Variants in CELA2A observed in about 807,000 individuals in gnomAD.
The protein encoded by CELA2A is chymotrypsin-like elastase family member 2A.
CELA2A carries 31 observed loss-of-function variants against 35.3 expected under a neutral mutation model. That is an observed-to-expected ratio of 0.88 (90% CI 0.66 to 1.19). CELA2A has a LOEUF of 1.19. Ranked by LOEUF, CELA2A falls within the 50% of genes most tolerant of loss-of-function variation. CELA2A has a pLI of 0.00. For missense variants in CELA2A, 330 were observed against 352.9 expected (o/e 0.94, Z 0.52); for synonymous variants, 150 against 149.8 (o/e 1.00, Z -0.01).
Position 15,467,380 on chromosome 1 carries a change from C to G in CELA2A, c.640-6C>G, listed in dbSNP as rs764935116. The G allele has an allele frequency of 1.2e-6, 2 of 1,612,730 alleles. No individual in the cohort carries two copies. Among genetic ancestry groups the G allele is most frequent in the Admixed American group, 3.3e-5 (2 of 60,032 alleles). On this transcript the variant is annotated splice_polypyrimidine_tract_variant and splice_region_variant and intron_variant, in intron 6 of 7. Transcript: ENST00000359621. ...TTTACCTGCCTATAACTCTGGCCTT[C>G]CTCAGGGAGACTCTGGCGGGCCACT...
intron 6 of CELA2A, among the ~76,000 whole-genome samples, chr1:15,466,419 G>A (rs564362556): frequency 1.1e-3 from 160 of 152,092 alleles, no homozygotes; most frequent in African/African-American, 3.4e-3. Context: ...AAAATTAGCC[G>A]GGCATGGTGG....
rs762571988 is a variant in CELA2A, at chr1:15,456,751, A to C, written c.-3A>C. On this transcript the variant is annotated 5_prime_UTR_variant, in exon 1 of 8. Transcript: ENST00000359621. ...ACGCTTACAGAACTCCCACGGACACACCATGATAAGGACGCTGCTGCTGTC... is the reference window on the plus strand; with the variant it reads ...ACGCTTACAGAACTCCCACGGACACCCCATGATAAGGACGCTGCTGCTGTC... 10 of 1,614,146 alleles carry C rather than the reference A, an allele frequency of 6.2e-6. No homozygotes were observed. The highest frequency in any genetic ancestry group is 8.5e-6 in the Non-Finnish European group (10 of 1,180,014).
chr1:15,463,141 G>C, intron 4 of CELA2A: 1 of 721,440 alleles, frequency 1.4e-6, no homozygotes, highest in South Asian at 1.9e-5. Flanking sequence ...TTCATGCCAG[G>C]TCCTGGGGAC....
rs1267284575 is a variant in CELA2A at position 15,467,468 on chromosome 1, T to C, written c.722T>C (p.Leu241Pro). 6 of 1,614,012 alleles carry C rather than the reference T, an allele frequency of 3.7e-6. No individual in the cohort carries two copies. Among genetic ancestry groups the C allele is most frequent in the Non-Finnish European group, 5.1e-6 (6 of 1,180,042 alleles). The stretch of plus-strand genomic sequence containing the variant: ...GGCATCGTCAGCTTCGGGTCTCGCC[T>C]CGGCTGCAACTACTACCACAAGCCC... The part of the protein sequence containing the change: ...VHGIVSFGSR[L>P]GCNYYHKPSV... Residue 241 changes from leucine (L) to proline (P), a missense_variant, in exon 7 of 8, where the codon CTC becomes CCC. Leu to Pro is a moderately conservative substitution (Grantham distance 98). Coordinates refer to ENST00000359621, the MANE Select transcript of CELA2A (RefSeq NM_033440.3).
At chr1:15,465,582 A>T (rs1281483147) in intron 5 of CELA2A, among the ~76,000 whole-genome samples, 1 of 152,226 alleles carries the variant, frequency 6.6e-6, no homozygotes, top group Non-Finnish European at 1.5e-5. Flanking sequence ...TAAAAGTTTT[A>T]TCCCAAGGGC....
intron 2 of CELA2A, 103 bp downstream of exon 2, chr1:15,457,277 T>C: frequency 9.0e-7 from 1 of 1,114,428 alleles, no homozygotes; most frequent in Admixed American, 2.0e-5. Flanking sequence ...AAAGTGAGTA[T>C]TGATGGGACT....
chr1:15,465,426 T>C (rs1570799751), intron 5 of CELA2A, among the ~76,000 whole-genome samples: 1 of 152,132 alleles, frequency 6.6e-6, no homozygotes, highest in East Asian at 1.9e-4. Flanking sequence ...TTGGGGGCCA[T>C]TATGAAAGCC....
At position 15,457,070 on chromosome 1, in the gene CELA2A, CT is replaced by C; in HGVS notation, c.41-13del. On this transcript the variant is annotated splice_polypyrimidine_tract_variant and intron_variant, in intron 1 of 7. Transcript: ENST00000359621. ...GGTCGCTGCTTCCTGACTCAAGACCCTTTCTCTTTTCACAGCCCTCAGTTGT... is the reference window on the plus strand; with the variant it reads ...GGTCGCTGCTTCCTGACTCAAGACCCTTCTCTTTTCACAGCCCTCAGTTGT... The C allele has an allele frequency of 6.2e-7, 1 of 1,612,586 alleles. No homozygotes were observed. The highest frequency in any genetic ancestry group is 8.5e-7 in the Non-Finnish European group (1 of 1,178,652).
At chr1:15,468,745 C>T (rs377396206) in intron 7 of CELA2A, among the ~76,000 whole-genome samples, 60 of 152,250 alleles carry the variant, frequency 3.9e-4, no homozygotes, top group East Asian at 3.1e-3. Flanking sequence ...GGGAGGCCAA[C>T]GCTGCAGTGA....
intron 4 of CELA2A, 77 bp downstream of exon 4, chr1:15,462,938 A>C: frequency 5.4e-5 from 86 of 1,588,258 alleles, no homozygotes; most frequent in Non-Finnish European, 6.5e-5. Flanking sequence ...CAAGGGTCTC[A>C]ACCACACCAC....
chr1:15,462,736 C>T lies in CELA2A; in HGVS notation c.231C>T (p.Ser77=). The T allele has an allele frequency of 6.2e-7, 1 of 1,614,058 alleles. No homozygotes were observed. The highest frequency in any genetic ancestry group is 8.5e-7 in the Non-Finnish European group (1 of 1,180,000). The change falls in exon 4 of 8, where the codon TCC becomes TCT. Residue 77 remains serine, a synonymous_variant. Transcript: ENST00000359621. ...CCCTGGGCCCCCTTTCTCCCAGCTC[C>T]TCCAGGACCTACCGCGTGGGGCTGG... ...WVLTAAHCIS[S]SRTYRVGLGR...
At chr1:15,458,596 T>A (rs1708391868) in intron 2 of CELA2A, among the ~76,000 whole-genome samples, 1 of 152,040 alleles carries the variant, frequency 6.6e-6, no homozygotes, top group Non-Finnish European at 1.5e-5. Context: ...CAGCGTTCAT[T>A]CATCTGCTCC....
chr1:15,462,861 GGTTCGT>G lies in CELA2A; in HGVS notation c.356+1_356+6del, dbSNP rs1291572625. On this transcript the variant is annotated splice_donor_variant and splice_donor_5th_base_variant and intron_variant, in intron 4 of 7. Transcript: ENST00000359621. LOFTEE classifies it high-confidence loss of function. ...TGGAACTCCAACCAAATCTCCAAAG[GGTTCGT>G]TTCTGTCTGGGTGCACTTGGGGGTG... 2 of 1,613,948 alleles carry G rather than the reference GGTTCGT, an allele frequency of 1.2e-6. No homozygotes were observed. The highest frequency in any genetic ancestry group is 2.7e-5 in the African/African-American group (2 of 74,894).
chr1:15,458,908 T>TAAAAAAAAAAAAAAAAAAAAAA (rs60002826), intron 2 of CELA2A, among the ~76,000 whole-genome samples: 1 of 40,164 alleles, frequency 2.5e-5, no homozygotes, highest in African/African-American at 1.3e-4. Context: ...GTGAGATCCA[T>TAAAAAAAAAAAAAAAAAAAAAA]AAAAAAAAAA....
At chr1:15,457,008 G>C in intron 1 of CELA2A, 78 bp from the exon 2 acceptor site, 1 of 1,422,830 alleles carries the variant, frequency 7.0e-7, no homozygotes, top group South Asian at 1.2e-5. Context: ...CTATTTGGGG[G>C]GTCAGAATGC....
chr1:15,457,837 A>C (rs1570794168), intron 2 of CELA2A, among the ~76,000 whole-genome samples: 1 of 152,326 alleles, frequency 6.6e-6, no homozygotes, highest in East Asian at 1.9e-4. Context: ...GGAACCAATC[A>C]GTGCTATTTG....
In CELA2A at chr1:15,466,007, G is replaced by A. The variant is rs762012352; in HGVS notation, c.502G>A (p.Ala168Thr). Residue 168 changes from alanine to threonine, a missense_variant, in exon 6 of 8, where the codon GCT becomes ACT. Transcript: ENST00000359621. ...TGWGRLQTNG[A>T]VPDVLQQGRL... ...TCTCTGATCTCATTCAGCCAACGGGGCTGTTCCTGATGTCCTGCAGCAGGG... is the reference window on the plus strand; with the variant it reads ...TCTCTGATCTCATTCAGCCAACGGGACTGTTCCTGATGTCCTGCAGCAGGG... The A allele has an allele frequency of 6.2e-7, 1 of 1,614,158 alleles. No individual in the cohort carries two copies. Among genetic ancestry groups the A allele is most frequent in the East Asian group, 2.2e-5 (1 of 44,886 alleles).
intron 7 of CELA2A, among the ~76,000 whole-genome samples, chr1:15,468,670 C>A (rs1232620241): frequency 2.0e-5 from 3 of 152,026 alleles, no homozygotes; most frequent in Non-Finnish European, 2.9e-5. Flanking sequence ...ATTACTCAGG[C>A]ACGGTGGTAC....
At chr1:15,461,303 C>A (rs1308973440) in intron 2 of CELA2A, among the ~76,000 whole-genome samples, 2 of 152,190 alleles carry the variant, frequency 1.3e-5, no homozygotes, top group African/African-American at 4.8e-5. Context: ...CTCAAGTGAT[C>A]CTCCTTCCTT....
Sources: gnomAD v4.1 joint callset for allele counts (sites outside exome capture counted in the v4.1 genomes callset) on GRCh38, gnomAD v4.1.1 for gene constraint, MANE v1.5 for transcripts, NCBI Gene and HGNC (gene_info 2026-07-23, HGNC 2026-07-21) for gene names.